KHDRBS1: variants seen among roughly 807,000 people sequenced by gnomAD.
The protein encoded by KHDRBS1 is KH domain-containing, RNA-binding, signal transduction-associated protein 1.
KHDRBS1 carries 7 observed loss-of-function variants against 48.4 expected under a neutral mutation model. The observed-to-expected ratio is 0.14, with a 90% CI of 0.08 to 0.27. KHDRBS1 has a LOEUF of 0.27. Ranked by LOEUF, KHDRBS1 falls within the 10% of genes least tolerant of loss-of-function variation. The probability of loss-of-function intolerance (pLI) is 1.00; values close to 1 mark genes in which losing one functional copy is unlikely to be tolerated. For synonymous variants in KHDRBS1, 241 were observed against 235.8 expected (o/e 1.02, Z -0.20); for missense variants, 458 against 601.2 (o/e 0.76, Z 2.49).
At chr1:32,033,106 C>A in intron 3 of KHDRBS1, 82 bp from the exon 4 acceptor site, 1 of 1,054,430 alleles carries the variant, frequency 9.5e-7, no homozygotes, top group South Asian at 1.3e-5. Context: ...AGGGGTATTT[C>A]TTGCTGTTCC....
At chr1:32,024,500 T>TA (rs2124366197) in intron 1 of KHDRBS1, among the ~76,000 whole-genome samples, 1 of 150,794 alleles carries the variant, frequency 6.6e-6, no homozygotes, top group South Asian at 2.1e-4. Flanking sequence ...TTTTTTTTTT[T>TA]AATTTTAGTA....
At chr1:32,033,018 TTTC>T (rs777671821) in intron 3 of KHDRBS1, among the ~76,000 whole-genome samples, 167 bp from the exon 4 acceptor site, 5 of 151,258 alleles carry the variant, frequency 3.3e-5, no homozygotes, top group Non-Finnish European at 5.9e-5. Flanking sequence ...CTTTACTGTT[TTTC>T]TTTTTTCTTT....
chr1:32,014,148 C>T lies in KHDRBS1; in HGVS notation c.153C>T (p.Ser51=). 3 of 1,307,592 alleles carry T rather than the reference C, an allele frequency of 2.3e-6. No homozygotes were observed. Among genetic ancestry groups the T allele is most frequent in the Non-Finnish European group, 1.9e-6 (2 of 1,029,682 alleles). The allele number at this position is 1,307,592 out of a possible 1,614,324, so 81.0% of individuals were successfully genotyped here. The change falls in exon 1 of 9, where the codon TCC becomes TCT. Residue 51 remains serine, a synonymous_variant. Transcript: ENST00000327300. ...PHRSRGGGGG[S]RGGARASPAT... is the part of the protein sequence containing the mutation. ...GGTCCCGGGGAGGCGGAGGGGGATC[C>T]CGCGGGGGCGCCCGGGCCTCGCCCG...
At chr1:32,015,651 G>T (rs1229115432) in intron 1 of KHDRBS1, among the ~76,000 whole-genome samples, 1 of 152,052 alleles carries the variant, frequency 6.6e-6, no homozygotes, top group African/African-American at 2.4e-5. Flanking sequence ...TTTTAACTTG[G>T]GCTTTCTGGA....
At chr1:32,037,683 G>A in intron 5 of KHDRBS1, 152 bp from the exon 6 acceptor site, 1 of 815,822 alleles carries the variant, frequency 1.2e-6, no homozygotes, top group African/African-American at 1.7e-5. Flanking sequence ...TTGCAGTGTG[G>A]GTCCTTTACC....
At chr1:32,058,148 A>G (rs1639501745) in intron 10 of KHDRBS1, among the ~76,000 whole-genome samples, 1 of 151,156 alleles carries the variant, frequency 6.6e-6, no homozygotes, top group African/African-American at 2.4e-5. Flanking sequence ...GTCTCACTGC[A>G]TTGATCATAG....
chr1:32,018,527 G>A (rs564747322), intron 1 of KHDRBS1, among the ~76,000 whole-genome samples: 168 of 140,162 alleles, frequency 1.2e-3, no homozygotes, highest in African/African-American at 4.0e-3. Flanking sequence ...AGGCCGAGGC[G>A]GGTGGATCAC....
chr1:32,026,344 G>T (rs892787381), intron 1 of KHDRBS1, among the ~76,000 whole-genome samples: 2 of 151,982 alleles, frequency 1.3e-5, no homozygotes, highest in African/African-American at 4.8e-5. Context: ...TTTTTATAGA[G>T]AAGGGGTCTC....
At chr1:32,041,805 G>A (rs536574260) in intron 8 of KHDRBS1, among the ~76,000 whole-genome samples, 1 of 152,090 alleles carries the variant, frequency 6.6e-6, no homozygotes, top group African/African-American at 2.4e-5. Flanking sequence ...GGTCAGGCTG[G>A]TCTCGAACTC....
downstream of KHDRBS1, among the ~76,000 whole-genome samples, chr1:32,048,838 A>G (rs1639384623): frequency 6.6e-6 from 1 of 151,936 alleles, no homozygotes; most frequent in African/African-American, 2.4e-5. Context: ...AAGAAACCCC[A>G]TGCCTTTTAT....
At chr1:32,057,685 G>C (rs1212686130) in intron 10 of KHDRBS1, among the ~76,000 whole-genome samples, 2 of 151,576 alleles carry the variant, frequency 1.3e-5, no homozygotes, top group African/African-American at 4.9e-5. Context: ...TGTAGTCCCA[G>C]CTACTCGGGA....
intron 1 of KHDRBS1, among the ~76,000 whole-genome samples, chr1:32,018,204 T>C (rs1241298474): frequency 6.6e-6 from 1 of 152,150 alleles, no homozygotes; most frequent in Non-Finnish European, 1.5e-5. Flanking sequence ...CTCATGCCTG[T>C]AATCCCAGCA....
At chr1:32,050,700 A>G (rs1435471162) in intron 10 of KHDRBS1, among the ~76,000 whole-genome samples, 3 of 151,818 alleles carry the variant, frequency 2.0e-5, no homozygotes, top group African/African-American at 7.3e-5. Flanking sequence ...TTTTTAGTAG[A>G]GGCAAGGTTT....
At chr1:32,034,994 AAAG>A (rs1447727370) in intron 4 of KHDRBS1, among the ~76,000 whole-genome samples, 1 of 152,010 alleles carries the variant, frequency 6.6e-6, no homozygotes, top group Non-Finnish European at 1.5e-5. Flanking sequence ...AAAAAAAAAA[AAAG>A]AATGTTCAAC....
intron 1 of KHDRBS1, among the ~76,000 whole-genome samples, chr1:32,025,364 G>A (rs1233767642): frequency 5.4e-5 from 7 of 130,604 alleles, no homozygotes; most frequent in African/African-American, 1.5e-4. Context: ...GCAGTGGCAC[G>A]ATCTCAGCTC....
At chr1:32,040,906 A>G (rs1176976758) in intron 8 of KHDRBS1, among the ~76,000 whole-genome samples, 1 of 152,140 alleles carries the variant, frequency 6.6e-6, no homozygotes, top group East Asian at 1.9e-4. Context: ...CTGCTTGCCC[A>G]AGGAAACTGT....
chr1:32,016,611 T>C lies in KHDRBS1; in HGVS notation c.382+2234T>C, dbSNP rs1337095976. Among the ~76,000 whole-genome samples the C allele has an allele frequency of 2.0e-5, 3 of 152,172 alleles. No homozygotes were observed. The East Asian group carries it at 5.8e-4, about 29-fold the overall frequency. On this transcript the variant is annotated intron_variant, in intron 1 of 8. Coordinates refer to ENST00000327300, the MANE Select transcript of KHDRBS1 (RefSeq NM_006559.3). The stretch of plus-strand genomic sequence containing the variant: ...AAGGAAACCAGAGAGCAGAGTCTAC[T>C]GCTTGGGACTGTGGCTCCTCCAGGC...
chr1:32,042,486 G>T, intron 8 of KHDRBS1, 41 bp from the exon 9 acceptor site: 1 of 1,384,282 alleles, frequency 7.2e-7, no homozygotes, highest in Non-Finnish European at 1.0e-6. Flanking sequence ...CCTAAGTGCT[G>T]TCGCCACATG....
chr1:32,058,994 T>C (rs1196657551), intron 10 of KHDRBS1, among the ~76,000 whole-genome samples: 1 of 151,334 alleles, frequency 6.6e-6, no homozygotes, highest in Non-Finnish European at 1.5e-5. Flanking sequence ...CCATCTCTAC[T>C]AAAAATACAA....
Sources: allele counts gnomAD v4.1 joint callset (sites outside exome capture counted in the v4.1 genomes callset), GRCh38; gene constraint gnomAD v4.1.1; transcripts MANE v1.5; gene names NCBI Gene and HGNC (gene_info 2026-07-23, HGNC 2026-07-21).